The following PKD1L1 variants were observed in gnomAD, a reference collection of about 807,000 sequenced individuals.
The protein encoded by PKD1L1 is polycystin 1 like 1, transient receptor potential channel interacting.
PKD1L1 carries 236 observed loss-of-function variants against 323.4 expected under a neutral mutation model. That is an observed-to-expected ratio of 0.73 (90% CI 0.66 to 0.81). The LOEUF (loss-of-function observed/expected upper bound fraction) is 0.81. Ranked by LOEUF, PKD1L1 falls within the 40% of genes least tolerant of loss-of-function variation. PKD1L1 has a pLI of 0.00. For missense variants in PKD1L1, 3,320 were observed against 3,508.0 expected (o/e 0.95, Z 1.35); for synonymous variants, 1,344 against 1,335.0 (o/e 1.01, Z -0.15).
At chr7:47,892,677 T>C (rs1313697375) in intron 15 of PKD1L1, among the ~76,000 whole-genome samples, 1 of 152,052 alleles carries the variant, frequency 6.6e-6, no homozygotes. Flanking sequence ...GTAACAAAAC[T>C]GCACTCATAT....
intron 7 of PKD1L1, among the ~76,000 whole-genome samples, chr7:47,920,440 T>C (rs951737477): frequency 1.3e-5 from 2 of 151,970 alleles, no homozygotes; most frequent in African/African-American, 4.8e-5. Context: ...ATGAGTAGAA[T>C]CAATATTGTG....
At chr7:47,820,996 G>A in intron 46 of PKD1L1, 80 bp downstream of exon 46, 3 of 805,504 alleles carry the variant, frequency 3.7e-6, no homozygotes, top group Non-Finnish European at 4.1e-6. Flanking sequence ...TATGTGGGAT[G>A]TGAAACATGG....
chr7:47,849,128 G>A (rs1448886578), intron 31 of PKD1L1, among the ~76,000 whole-genome samples: 1 of 152,148 alleles, frequency 6.6e-6, no homozygotes, highest in African/African-American at 2.4e-5. Context: ...ATGGTGCTGG[G>A]ATAATTGGCT....
At chr7:47,806,633 T>A (rs1400258046) in intron 52 of PKD1L1, among the ~76,000 whole-genome samples, 2 of 152,338 alleles carry the variant, frequency 1.3e-5, no homozygotes, top group East Asian at 3.9e-4. Flanking sequence ...TCCAGCCTTG[T>A]GGGGGAAGAC....
intron 56 of PKD1L1, among the ~76,000 whole-genome samples, chr7:47,789,470 C>T (rs1786889405): frequency 6.6e-6 from 1 of 152,156 alleles, no homozygotes; most frequent in Admixed American, 6.5e-5. Context: ...TAAAAAGATT[C>T]ATCTCTTGGA....
the PKD1L1 span, among the ~76,000 whole-genome samples, chr7:47,957,911 C>T: frequency 2.2e-5 from 3 of 138,876 alleles, no homozygotes; most frequent in Admixed American, 1.5e-4. Flanking sequence ...TGAAAAATCT[C>T]TAGGATGAAA....
At chr7:47,880,280 A>ATTTTTTTTTTT (rs1380647150) in intron 21 of PKD1L1, among the ~76,000 whole-genome samples, 14 of 71,582 alleles carry the variant, frequency 2.0e-4, no homozygotes, top group African/African-American at 4.5e-4. Context: ...ATATATATAT[A>ATTTTTTTTTTT]TATATTTTTT....
At chr7:47,958,758 C>A in the PKD1L1 span, among the ~76,000 whole-genome samples, 3 of 152,092 alleles carry the variant, frequency 2.0e-5, no homozygotes, top group Non-Finnish European at 4.4e-5. Flanking sequence ...AAACAAATAA[C>A]CCTGTTTAAA....
intron 31 of PKD1L1, among the ~76,000 whole-genome samples, chr7:47,848,480 C>T (rs1279399972): frequency 6.6e-6 from 1 of 152,076 alleles, no homozygotes; most frequent in Non-Finnish European, 1.5e-5. Flanking sequence ...CTTATTTTCC[C>T]AAAAAGAAAC....
intron 21 of PKD1L1, among the ~76,000 whole-genome samples, chr7:47,880,213 G>T (rs549759582): frequency 2.3e-4 from 32 of 139,018 alleles, no homozygotes; most frequent in South Asian, 1.8e-3. Flanking sequence ...TTGCAGGAAA[G>T]GAATCAACTT....
chr7:47,865,075 C>T, intron 26 of PKD1L1, 141 bp downstream of exon 26: 1 of 660,638 alleles, frequency 1.5e-6, no homozygotes, highest in Non-Finnish European at 2.6e-6. Context: ...CTTTGCTATT[C>T]AGATGAATTC....
chr7:47,928,938 C>A (rs1488258795), intron 7 of PKD1L1, among the ~76,000 whole-genome samples: 2 of 152,258 alleles, frequency 1.3e-5, no homozygotes, highest in East Asian at 3.9e-4. Flanking sequence ...CAGGGCAAGT[C>A]CCCAGCCTCA....
At chr7:47,879,606 C>CT (rs1786486711) in intron 21 of PKD1L1, among the ~76,000 whole-genome samples, 1 of 135,818 alleles carries the variant, frequency 7.4e-6, no homozygotes, top group Non-Finnish European at 1.5e-5. Flanking sequence ...GCACTCCAGC[C>CT]TGGGCAACAG....
In PKD1L1 at chr7:47,880,571, T is replaced by C. The variant is rs62447078; in HGVS notation, c.3520+157A>G. Among the ~76,000 whole-genome samples the C allele has an allele frequency of 0.36, 53,073 of 149,390 alleles. 10,691 individuals are homozygous for C. The highest frequency in any genetic ancestry group is 0.55 in the African/African-American group (22,124 of 40,076). On this transcript the variant is annotated intron_variant, in intron 21 of 56. Transcript: ENST00000289672. The stretch of plus-strand genomic sequence containing the variant: ...TGCTGGGATTACAAGCGTGAGCCAC[T>C]GTGCCCAGCCCTATATATATGTAAT...
chr7:47,880,267 TATATATATATA>T (rs1786515413), intron 21 of PKD1L1, among the ~76,000 whole-genome samples: 2 of 77,496 alleles, frequency 2.6e-5, no homozygotes, highest in Non-Finnish European at 2.2e-5. Context: ...TATATATACA[TATATATATATA>T]TATATATTTT....
chr7:47,789,751 T>C (rs1786896058), intron 56 of PKD1L1, among the ~76,000 whole-genome samples: 1 of 152,236 alleles, frequency 6.6e-6, no homozygotes, highest in Non-Finnish European at 1.5e-5. Flanking sequence ...AATAACAATA[T>C]ATACCTTATG....
Position 47,808,228 on chromosome 7 carries a change from C to G in PKD1L1, c.7827+19G>C, listed in dbSNP as rs768660138. ...CAGTGCATGGCCTCTATCTGCATGG[C>G]CCTGAGCACACCGTGTACCTGATTC... On this transcript the variant is annotated intron_variant, in intron 52 of 56. Coordinates refer to ENST00000289672, the MANE Select transcript of PKD1L1 (RefSeq NM_138295.5). 1.2e-6 allele frequency: 2 copies of G among 1,613,836 alleles called. No individual in the cohort carries two copies. The highest frequency in any genetic ancestry group is 3.3e-5 in the Admixed American group (2 of 59,992).
chr7:47,845,486 C>G (rs1215351932), intron 32 of PKD1L1, among the ~76,000 whole-genome samples: 1 of 152,246 alleles, frequency 6.6e-6, no homozygotes, highest in African/African-American at 2.4e-5. Context: ...AATATCCTAC[C>G]CTGACAATCA....
intron 15 of PKD1L1, among the ~76,000 whole-genome samples, chr7:47,893,161 C>T (rs542581494): frequency 1.1e-4 from 14 of 131,526 alleles, no homozygotes; most frequent in African/African-American, 2.0e-4. Flanking sequence ...ATCCGGGAGG[C>T]GGAGTTTGCA....
Sources: gnomAD v4.1 joint callset for allele counts (sites outside exome capture counted in the v4.1 genomes callset) on GRCh38, gnomAD v4.1.1 for gene constraint, MANE v1.5 for transcripts, NCBI Gene and HGNC (gene_info 2026-07-23, HGNC 2026-07-21) for gene names.